Variants in KLHL4 observed in about 807,000 individuals in gnomAD.
KLHL4 encodes the protein kelch like family member 4.
Under a neutral mutation model 45.8 loss-of-function variants are expected in KLHL4, and 17 were observed. The ratio of observed to expected loss-of-function variants is 0.37; its 90% confidence interval spans 0.25 to 0.56. KLHL4 has a LOEUF of 0.56. KLHL4 is among the 20% of genes least tolerant of loss of function. The probability of loss-of-function intolerance (pLI) is 0.79; values close to 1 mark genes in which losing one functional copy is unlikely to be tolerated. For synonymous variants in KLHL4, 224 were observed against 189.9 expected, an observed-to-expected ratio of 1.18 and a Z score of -1.47; for missense variants, 544 against 544.9, an observed-to-expected ratio of 1.00 and a Z score of 0.02.
rs768632783 is a variant in KLHL4, at chrX:87,633,638, C to T, written c.1550-111C>T. The T allele has an allele frequency of 9.3e-6, 5 of 540,316 alleles. No individual in the cohort carries two copies. The African/African-American group carries it at 9.4e-5, about 10-fold the overall frequency. 44.5% of individuals were successfully genotyped at this position (540,316 alleles called of 1,213,427 possible). On this transcript the variant is annotated intron_variant, in intron 7 of 10. Coordinates refer to ENST00000373119, the MANE Select transcript of KLHL4 (RefSeq NM_019117.5). ...TAAACTATTCATATGTATGCAAAAT[C>T]GTTTAATAAGCAAAACAAAAAAATT... is the stretch of plus-strand genomic sequence containing the variant.
intron 1 of KLHL4, among the ~76,000 whole-genome samples, chrX:87,584,697 A>C (rs748889022): frequency 1.8e-5 from 2 of 110,360 alleles, no homozygotes; most frequent in African/African-American, 3.3e-5. Flanking sequence ...AGAATAGAAA[A>C]CAATGAAGCA....
In KLHL4 at chrX:87,568,383, C is replaced by CTTTTTTTTTTTTTTTTTTTTTTTTTTTTT. The variant is rs756469573; in HGVS notation, c.423-45487_423-45486insTTTTTTTTTTTTTTTTTTTTTTTTTTTTT. Among the ~76,000 whole-genome samples, 11 of 59,218 alleles carry CTTTTTTTTTTTTTTTTTTTTTTTTTTTTT rather than the reference C, an allele frequency of 1.9e-4. 1 individual carries two copies. Among genetic ancestry groups the CTTTTTTTTTTTTTTTTTTTTTTTTTTTTT allele is most frequent in the African/African-American group, 5.9e-4 (9 of 15,347 alleles). The allele number at this position is 59,218 out of a possible 115,157, so 51.4% of individuals were successfully genotyped here. ...CTACAGCTTTTTTTCTTTTTCTTTT[C>CTTTTTTTTTTTTTTTTTTTTTTTTTTTTT]TTTTTTTCTTTTTTTTTTTTTTTTT... On this transcript the variant is annotated intron_variant, in intron 1 of 10. Transcript: ENST00000373119.
In KLHL4 at chrX:87,540,610, G is replaced by C. The variant is rs147184502; in HGVS notation, c.422+22295G>C. 2.9e-3 allele frequency among the ~76,000 whole-genome samples: 325 copies of C among 110,974 alleles called. 1 individual carries two copies. The highest frequency in any genetic ancestry group is 0.01 in the African/African-American group (316 of 30,582). On this transcript the variant is annotated intron_variant, in intron 1 of 10. Coordinates refer to ENST00000373119, the MANE Select transcript of KLHL4 (RefSeq NM_019117.5). ...ATCTTGTATCACTGGAAGGCCTTTG[G>C]GGCAATCATACACATGGAGCTGTAT...
At chrX:87,655,884 G>A (rs1923975822) in intron 9 of KLHL4, among the ~76,000 whole-genome samples, 1 of 111,645 alleles carries the variant, frequency 9.0e-6, no homozygotes, top group South Asian at 3.7e-4. Context: ...TGGTCTAGTG[G>A]TGACAGATTT....
intron 1 of KLHL4, among the ~76,000 whole-genome samples, chrX:87,609,570 A>G (rs989221120): frequency 9.0e-6 from 1 of 111,608 alleles, no homozygotes; most frequent in Non-Finnish European, 1.9e-5. Flanking sequence ...TTTGAGAAGT[A>G]TCTGTTCATA....
chrX:87,604,884 T>A (rs1406542681), intron 1 of KLHL4, among the ~76,000 whole-genome samples: 1 of 111,503 alleles, frequency 9.0e-6, no homozygotes, highest in Admixed American at 9.6e-5. Flanking sequence ...TCTCTTCTAG[T>A]ATTTTAATAC....
At chrX:87,621,615 C>A (rs189299022) in intron 4 of KLHL4, among the ~76,000 whole-genome samples, 1 of 110,304 alleles carries the variant, frequency 9.1e-6, no homozygotes, top group African/African-American at 3.3e-5. Flanking sequence ...TTATAGGAAT[C>A]ATTTTTAGAT....
intron 1 of KLHL4, among the ~76,000 whole-genome samples, chrX:87,578,052 A>G (rs1921153526): frequency 1.8e-5 from 2 of 111,424 alleles, no homozygotes; most frequent in Admixed American, 1.9e-4. Context: ...ATTCATTGCA[A>G]AATAAATGGG....
chrX:87,563,517 G>A (rs1234112274), intron 1 of KLHL4, among the ~76,000 whole-genome samples: 2 of 105,242 alleles, frequency 1.9e-5, no homozygotes, highest in African/African-American at 6.9e-5. Context: ...GAATGCATCA[G>A]AGTCTCTCAA....
Position 87,555,400 on chromosome X carries a change from G to A in KLHL4, c.422+37085G>A, listed in dbSNP as rs1433965103. On this transcript the variant is annotated intron_variant, in intron 1 of 10. Transcript: ENST00000373119. ...GATTATTGCCACAATTTCAGAGCTT[G>A]TTATTGGTCTATTCAGAGAGTCAAC... Among the ~76,000 whole-genome samples, 3 of 111,400 alleles carry A rather than the reference G, an allele frequency of 2.7e-5. No individual in the cohort carries two copies. In the Admixed American group the frequency reaches 2.9e-4, roughly 11 times the overall value.
At chrX:87,644,954 A>C (rs752527346) in intron 9 of KLHL4, among the ~76,000 whole-genome samples, 58 of 112,071 alleles carry the variant, frequency 5.2e-4, no homozygotes, top group African/African-American at 1.8e-3. Context: ...ATTCTAAAAG[A>C]TAACATTGGA....
chrX:87,589,245 G>A (rs1267855590), intron 1 of KLHL4, among the ~76,000 whole-genome samples: 1 of 111,805 alleles, frequency 8.9e-6, no homozygotes. Context: ...AGAACAATTT[G>A]GATGTTCCTC....
Position 87,518,004 on chromosome X carries a change from G to A in KLHL4, c.111G>A (p.Gln37=). ...QGSTNTGSCL[Q]QEGYEHRGTP... is the part of the protein sequence containing the mutation. Reference sequence around the variant, plus strand: ...CCACCAACACTGGAAGCTGTCTTCAGCAGGAAGGATATGAGCATAGAGGGA... The same window carrying A: ...CCACCAACACTGGAAGCTGTCTTCAACAGGAAGGATATGAGCATAGAGGGA... The change falls in exon 1 of 11, where the codon CAG becomes CAA. Residue 37 remains glutamine (Q), a synonymous_variant. Transcript: ENST00000373119. 8.3e-7 allele frequency: 1 copy of A among 1,211,558 alleles called. No homozygotes were observed. Among genetic ancestry groups the A allele is most frequent in the Non-Finnish European group, 1.1e-6 (1 of 895,459 alleles).
chrX:87,534,380 T>A (rs889475065), intron 1 of KLHL4, among the ~76,000 whole-genome samples: 8 of 110,591 alleles, frequency 7.2e-5, no homozygotes, highest in East Asian at 2.8e-4. Context: ...AACCAAACTT[T>A]AAAAAAAACA....
At chrX:87,530,196 C>A (rs1931221240) in intron 1 of KLHL4, among the ~76,000 whole-genome samples, 1 of 110,560 alleles carries the variant, frequency 9.0e-6, no homozygotes, top group Non-Finnish European at 1.9e-5. Flanking sequence ...AAGTCCTTGC[C>A]CATGCCTATG....
intron 1 of KLHL4, among the ~76,000 whole-genome samples, chrX:87,528,015 G>T (rs908718131): frequency 1.8e-5 from 2 of 110,622 alleles, no homozygotes; most frequent in African/African-American, 6.6e-5. Flanking sequence ...TAAGACCTAG[G>T]CATCCAAAGC....
chrX:87,626,872 G>T (rs1229718959), intron 6 of KLHL4, among the ~76,000 whole-genome samples: 1 of 111,431 alleles, frequency 9.0e-6, no homozygotes, highest in Non-Finnish European at 1.9e-5. Context: ...ACAAGAGTGA[G>T]GTGCGATAAA....
chrX:87,582,432 TAAGAGCA>T (rs1921314627), intron 1 of KLHL4, among the ~76,000 whole-genome samples: 1 of 111,472 alleles, frequency 9.0e-6, no homozygotes, highest in Non-Finnish European at 1.9e-5. Context: ...TGCTGTCCTG[TAAGAGCA>T]GAAAGAAAAA....
intron 9 of KLHL4, among the ~76,000 whole-genome samples, chrX:87,656,555 A>G (rs1923996178): frequency 1.9e-5 from 2 of 104,031 alleles, no homozygotes; most frequent in Admixed American, 1.0e-4. Flanking sequence ...TTTTTTAAAA[A>G]CTCTATCTCT....
Sources: gnomAD v4.1 joint callset for allele counts (sites outside exome capture counted in the v4.1 genomes callset) on GRCh38, gnomAD v4.1.1 for gene constraint, MANE v1.5 for transcripts, NCBI Gene and HGNC (gene_info 2026-07-23, HGNC 2026-07-21) for gene names.